The following GSPT1 variants were observed in gnomAD, a reference collection of about 807,000 sequenced individuals.
The protein encoded by GSPT1 is G1 to S phase transition 1.
In GSPT1, 20 loss-of-function variants were observed where a neutral mutation model predicts 72.5. The ratio of observed to expected loss-of-function variants is 0.28; its 90% CI spans 0.19 to 0.40. The LOEUF is 0.40. Among genes scored for constraint, GSPT1 ranks in the 10% least tolerant of loss-of-function variants. The probability of loss-of-function intolerance (pLI) is 1.00; values close to 1 mark genes in which losing one functional copy is unlikely to be tolerated. For missense variants in GSPT1, 580 were observed against 811.9 expected (o/e 0.71, Z 3.47); for synonymous variants, 334 against 293.5 (o/e 1.14, Z -1.41).
At chr16:11,915,249 G>T in intron 1 of GSPT1, 120 bp downstream of exon 1, 1 of 1,171,970 alleles carries the variant, frequency 8.5e-7, no homozygotes, top group Non-Finnish European at 1.1e-6. Flanking sequence ...GGCAGACGGC[G>T]CCACTGTCAG....
intron 1 of GSPT1, among the ~76,000 whole-genome samples, chr16:11,911,447 G>A (rs1011193373): frequency 5.9e-5 from 9 of 152,050 alleles, no homozygotes; most frequent in Non-Finnish European, 1.2e-4. Context: ...GTGCAATGGT[G>A]CCATCATAGC....
intron 6 of GSPT1, among the ~76,000 whole-genome samples, chr16:11,888,257 G>A (rs926069048): frequency 6.6e-6 from 1 of 151,046 alleles, no homozygotes; most frequent in Non-Finnish European, 1.5e-5. Flanking sequence ...CCTGAGGTCA[G>A]GAGTTCGAGA....
At chr16:11,899,736 G>C (rs1435393735) in intron 1 of GSPT1, among the ~76,000 whole-genome samples, 1 of 152,184 alleles carries the variant, frequency 6.6e-6, no homozygotes, top group Non-Finnish European at 1.5e-5. Flanking sequence ...GAGGAAGCCA[G>C]GTAGTACTGA....
At chr16:11,916,004 A>C (rs464174), upstream of GSPT1, 4 of 663,306 alleles carry the variant, frequency 6.0e-6, no homozygotes, top group East Asian at 3.1e-5. Context: ...AGCCAACCCC[A>C]CCCCCGGCGC....
intron 11 of GSPT1, 112 bp downstream of exon 11, chr16:11,882,903 G>A (rs2054138781): frequency 3.0e-6 from 2 of 673,656 alleles, no homozygotes; most frequent in Non-Finnish European, 2.6e-6. Context: ...GCTGCAATAA[G>A]CTATGAATGC....
intron 1 of GSPT1, among the ~76,000 whole-genome samples, chr16:11,913,161 C>A (rs1490212412): frequency 6.6e-6 from 1 of 152,202 alleles, no homozygotes; most frequent in African/African-American, 2.4e-5. Context: ...TTTATAAGCA[C>A]TGATTGTTCT....
In GSPT1 at chr16:11,868,415, A is replaced by T. The variant is rs2053943028; in HGVS notation, c.*4704T>A. 1.3e-5 allele frequency: 2 copies of T among 151,492 alleles called. No individual in the cohort carries two copies. Among genetic ancestry groups the T allele is most frequent in the Admixed American group, 6.6e-5 (1 of 15,188 alleles). 9.4% of individuals were successfully genotyped at this position (151,492 alleles called of 1,614,324 possible). On this transcript the variant is annotated 3_prime_UTR_variant, in exon 15 of 15. Coordinates refer to ENST00000434724, the MANE Select transcript of GSPT1 (RefSeq NM_002094.4). ...GGTATTAACCTGCTGTCTAGCGAAA[A>T]CTAGTCACTAAGTCCTGGCCTGAGA... is the stretch of plus-strand genomic sequence containing the variant.
chr16:11,892,505 T>TC (rs2054274339), intron 5 of GSPT1, among the ~76,000 whole-genome samples: 1 of 39,386 alleles, frequency 2.5e-5, no homozygotes, highest in Admixed American at 2.3e-4. Context: ...AGACCCTTTC[T>TC]CAAAAAAACA....
chr16:11,913,059 A>G (rs569369810), intron 1 of GSPT1, among the ~76,000 whole-genome samples: 6 of 152,304 alleles, frequency 3.9e-5, no homozygotes, highest in Non-Finnish European at 1.5e-5. Flanking sequence ...CCTATTGTCC[A>G]CTTCCTCGCT....
intron 14 of GSPT1, among the ~76,000 whole-genome samples, chr16:11,875,486 A>G (rs1418219540): frequency 6.6e-6 from 1 of 152,180 alleles, no homozygotes; most frequent in Non-Finnish European, 1.5e-5. Flanking sequence ...CATCATAGAA[A>G]TATCTTAGTA....
chr16:11,914,365 C>T (rs2054599051), intron 1 of GSPT1, among the ~76,000 whole-genome samples: 2 of 152,196 alleles, frequency 1.3e-5, no homozygotes, highest in African/African-American at 2.4e-5. Flanking sequence ...ACAACGTCAG[C>T]ACCTGCAAGC....
intron 1 of GSPT1, among the ~76,000 whole-genome samples, chr16:11,912,840 GAATTACACTT>G (rs1288497360): frequency 6.6e-6 from 1 of 152,162 alleles, no homozygotes; most frequent in African/African-American, 2.4e-5. Flanking sequence ...GTGCTTAAAT[GAATTACACTT>G]AATTACACTT....
intron 9 of GSPT1, among the ~76,000 whole-genome samples, chr16:11,885,874 G>C (rs553335066): frequency 4.6e-5 from 7 of 152,108 alleles, no homozygotes; most frequent in Non-Finnish European, 1.0e-4. Flanking sequence ...CTGGTTAACA[G>C]AGTGAAAACC....
chr16:11,892,962 A>G (rs1239719946), intron 5 of GSPT1, among the ~76,000 whole-genome samples: 1 of 152,034 alleles, frequency 6.6e-6, no homozygotes, highest in Non-Finnish European at 1.5e-5. Context: ...GTTTTGATGA[A>G]TGACTATGGT....
upstream of GSPT1, among the ~76,000 whole-genome samples, chr16:11,916,454 C>T (rs940687045): frequency 6.6e-6 from 1 of 152,224 alleles, no homozygotes; most frequent in Non-Finnish European, 1.5e-5. Flanking sequence ...CTTGTACTCT[C>T]TTTTCACCAC....
chr16:11,884,120 G>A (rs928064441), intron 10 of GSPT1, among the ~76,000 whole-genome samples: 8 of 152,030 alleles, frequency 5.3e-5, no homozygotes, highest in African/African-American at 1.5e-4. Context: ...CATTGATACC[G>A]CAAAACTTAA....
Position 11,896,541 on chromosome 16 carries a change from C to G in GSPT1, c.664+17G>C, listed in dbSNP as rs1303183021. 7.1e-7 allele frequency: 1 copy of G among 1,411,124 alleles called. No individual in the cohort carries two copies. The highest frequency in any genetic ancestry group is 1.4e-5 in the African/African-American group (1 of 71,174). 87.4% of individuals were successfully genotyped at this position (1,411,124 alleles called of 1,614,324 possible). A position where few individuals can be genotyped will look rare whatever the true frequency, so the allele number is the denominator to read the frequency against. On this transcript the variant is annotated intron_variant, in intron 4 of 14. Transcript: ENST00000434724. ...TTTATGTATCCAGTAACTTTAATTG[C>G]TATGAGAGCAGCTTACCTACGTGCC...
At chr16:11,902,045 C>T (rs867222153) in intron 1 of GSPT1, among the ~76,000 whole-genome samples, 55 of 149,586 alleles carry the variant, frequency 3.7e-4, no homozygotes, top group African/African-American at 1.1e-3. Context: ...GCTGAGATTG[C>T]ACCATCGCAC....
intron 14 of GSPT1, among the ~76,000 whole-genome samples, chr16:11,874,454 CT>C (rs200991035): frequency 0.043 from 4,081 of 94,194 alleles, 146 homozygotes; most frequent in African/African-American, 0.12. Context: ...GCCAAGTTAG[CT>C]TTTTTTTTTT....
Sources: allele counts gnomAD v4.1 joint callset (sites outside exome capture counted in the v4.1 genomes callset), GRCh38; gene constraint gnomAD v4.1.1; transcripts MANE v1.5; gene names NCBI Gene and HGNC (gene_info 2026-07-23, HGNC 2026-07-21).